Variants in THOC5 observed in about 807,000 individuals in gnomAD.
THOC5 encodes the protein Fms-interacting protein.
In THOC5, 43 loss-of-function variants were observed where a neutral mutation model predicts 92.9. That is an observed-to-expected ratio of 0.46 (90% CI 0.36 to 0.60). THOC5 has a LOEUF of 0.60. THOC5 is among the 20% of genes least tolerant of loss of function. THOC5 has a pLI of 0.00. For synonymous variants in THOC5, 296 were observed against 320.1 expected (o/e 0.92, Z 0.80); for missense variants, 659 against 849.4 (o/e 0.78, Z 2.79).
In THOC5 at chr22:29,507,990, G is replaced by T; in HGVS notation, c.*467C>A. 6.2e-6 allele frequency: 1 copy of T among 162,098 alleles called. No individual in the cohort carries two copies. Among genetic ancestry groups the T allele is most frequent in the Non-Finnish European group, 1.3e-5 (1 of 74,196 alleles). The allele number at this position is 162,098 out of a possible 1,614,324, so 10.0% of individuals were successfully genotyped here. On this transcript the variant is annotated 3_prime_UTR_variant, in exon 20 of 20. Coordinates refer to ENST00000490103, the MANE Select transcript of THOC5 (RefSeq NM_003678.5). ...ACGATCAGAGACAATTTGTCCATCG[G>T]CAACCCTGACAGGACTAATGGGAAG...
At chr22:29,552,067 G>C (rs546286811) in intron 1 of THOC5, among the ~76,000 whole-genome samples, 16 of 152,282 alleles carry the variant, frequency 1.1e-4, no homozygotes, top group South Asian at 8.3e-4. Context: ...GATTGCAGAC[G>C]GAGTCTCGTT....
intron 19 of THOC5, 64 bp from the exon 20 acceptor site, chr22:29,508,584 G>A (rs1722152159): frequency 7.0e-7 from 1 of 1,418,460 alleles, no homozygotes; most frequent in South Asian, 1.2e-5. Flanking sequence ...ATAAATTATG[G>A]TTCATTCACA....
intron 19 of THOC5, among the ~76,000 whole-genome samples, chr22:29,508,854 G>A (rs1396615604): frequency 1.3e-5 from 2 of 152,004 alleles, no homozygotes; most frequent in Non-Finnish European, 1.5e-5. Flanking sequence ...GGAGTGCAGT[G>A]GCGTGATCTC....
chr22:29,544,729 A>G, intron 2 of THOC5, 126 bp from the exon 3 acceptor site: 1 of 959,778 alleles, frequency 1.0e-6, no homozygotes. Flanking sequence ...TCAGGTCTCT[A>G]AAAGATCTGG....
chr22:29,540,407 A>G (rs1306358863), intron 5 of THOC5, among the ~76,000 whole-genome samples: 1 of 152,230 alleles, frequency 6.6e-6, no homozygotes, highest in Non-Finnish European at 1.5e-5. Flanking sequence ...TTTAAGCCTC[A>G]CAACAACTCT....
In THOC5 at chr22:29,532,911, G is replaced by A. The variant is rs143558957; in HGVS notation, c.715-948C>T. Among the ~76,000 whole-genome samples, 1,257 of 152,232 alleles carry A rather than the reference G, an allele frequency of 8.3e-3. 6 individuals carry two copies. Among genetic ancestry groups the A allele is most frequent in the Middle Eastern group, 0.024 (7 of 292 alleles). On this transcript the variant is annotated intron_variant, in intron 7 of 19. Transcript: ENST00000490103. ...AAGAATTACTTGAACCTGGGAGACG[G>A]AGGTTGCAGTGAGCCAAGATTGTAC...
At position 29,543,347 on chromosome 22, in the gene THOC5, C is replaced by CAAAAAAAAAA. The variant is rs59948387; in HGVS notation, c.354+72_354+81dup. On this transcript the variant is annotated intron_variant, in intron 4 of 19. Transcript: ENST00000490103. ...TGGGGGACAGAACGAGACTCTGTCT[C>CAAAAAAAAAA]AAAAAAAAAAAAAAAAAAAAAAAAA... 18 of 466,252 alleles carry CAAAAAAAAAA rather than the reference C, an allele frequency of 3.9e-5. No individual in the cohort carries two copies. The African/African-American group carries it at 7.2e-4, about 19-fold the overall frequency. 28.9% of individuals were successfully genotyped at this position (466,252 alleles called of 1,614,324 possible).
In THOC5 at chr22:29,539,405, T is replaced by A; in HGVS notation, c.524A>T (p.Lys175Met). ...AGGGTCTCCCATGGTGACTTCGGCCTTGCTGATATCTGGTGGAGCCTCCTT... is the reference window on the plus strand; with the variant it reads ...AGGGTCTCCCATGGTGACTTCGGCCATGCTGATATCTGGTGGAGCCTCCTT... ...FYKEAPPDIS[K>M]AEVTMGDPHQ... Residue 175 changes from lysine to methionine, a missense_variant, in exon 6 of 20, where the codon AAG (lysine) becomes ATG (methionine). Coordinates refer to ENST00000490103, the MANE Select transcript of THOC5 (RefSeq NM_003678.5). 1 of 1,614,142 alleles carries A rather than the reference T, an allele frequency of 6.2e-7. No homozygotes were observed. The highest frequency in any genetic ancestry group is 8.5e-7 in the Non-Finnish European group (1 of 1,179,988).
intron 17 of THOC5, among the ~76,000 whole-genome samples, chr22:29,514,315 A>ATTT (rs1179250004): frequency 1.5e-4 from 20 of 137,854 alleles, no homozygotes; most frequent in Admixed American, 5.2e-4. Context: ...TGACTGAAGA[A>ATTT]TTTTTTTTTT....
At chr22:29,546,740 G>A (rs373244813) in intron 2 of THOC5, among the ~76,000 whole-genome samples, 3 of 150,906 alleles carry the variant, frequency 2.0e-5, no homozygotes, top group Non-Finnish European at 3.0e-5. Flanking sequence ...GTGCCCAGCC[G>A]GGTTTTTCTT....
At position 29,543,450 on chromosome 22, in the gene THOC5, T is replaced by C. The variant is rs2063944446; in HGVS notation, c.333A>G (p.Lys111=). Residue 111 remains lysine, a synonymous_variant, in exon 4 of 20, where the codon AAA becomes AAG. Transcript: ENST00000490103. ...LNRLAHIRLK[K]GRDQTHEAKQ... Reference sequence around the variant, plus strand: ...CTACCTCGTGGGTCTGATCTCTTCCTTTCTTCAACCTGATGTGGGCTAATC... The same window carrying C: ...CTACCTCGTGGGTCTGATCTCTTCCCTTCTTCAACCTGATGTGGGCTAATC... 8.1e-6 allele frequency: 13 copies of C among 1,614,036 alleles called. No homozygotes were observed. Among genetic ancestry groups the C allele is most frequent in the Non-Finnish European group, 1.1e-5 (13 of 1,179,958 alleles).
At chr22:29,508,888 C>G (rs763725339) in intron 19 of THOC5, among the ~76,000 whole-genome samples, 1 of 151,844 alleles carries the variant, frequency 6.6e-6, no homozygotes, top group African/African-American at 2.4e-5. Context: ...CCCTGCTTCC[C>G]GGGTTCAAAG....
At chr22:29,542,349 G>T (rs539545453) in intron 5 of THOC5, among the ~76,000 whole-genome samples, 1 of 152,178 alleles carries the variant, frequency 6.6e-6, no homozygotes, top group Non-Finnish European at 1.5e-5. Context: ...AAAGGTCAGA[G>T]AGACTTCTGA....
Position 29,528,061 on chromosome 22 carries a change from G to A in THOC5, c.1066+17C>T, listed in dbSNP as rs775802449. 75 of 1,613,236 alleles carry A rather than the reference G, an allele frequency of 4.6e-5. No individual in the cohort carries two copies. Among genetic ancestry groups the A allele is most frequent in the Non-Finnish European group, 6.1e-5 (72 of 1,179,274 alleles). On this transcript the variant is annotated intron_variant, in intron 11 of 19. Coordinates refer to ENST00000490103, the MANE Select transcript of THOC5 (RefSeq NM_003678.5). ...TAGGTGCTACAGATCCCTTAAACAA[G>A]GTGAGTGCAACCAGACCTTTGCACT...
rs564200469 is a variant in THOC5 at position 29,524,502 on chromosome 22, G to A, written c.1175+1336C>T. Among the ~76,000 whole-genome samples, 4 of 152,272 alleles carry A rather than the reference G, an allele frequency of 2.6e-5. No individual in the cohort carries two copies. In the East Asian group the frequency reaches 7.7e-4, roughly 29 times the overall value. On this transcript the variant is annotated intron_variant, in intron 12 of 19. Coordinates refer to ENST00000490103, the MANE Select transcript of THOC5 (RefSeq NM_003678.5). ...AAGCCAGGCTGCAGCCCTGTTATTA[G>A]CATGTAGGGCACCTGAGAAATGAAC...
intron 17 of THOC5, among the ~76,000 whole-genome samples, chr22:29,516,172 C>T (rs2063329443): frequency 1.4e-5 from 2 of 144,914 alleles, no homozygotes; most frequent in South Asian, 2.2e-4. Flanking sequence ...AAGGGTGTAG[C>T]GGGGAAAGGA....
In THOC5 at chr22:29,528,129, C is replaced by G. The variant is rs188617925; in HGVS notation, c.1015G>C (p.Glu339Gln). The change falls in exon 11 of 20, where the codon GAG becomes CAG. Residue 339 changes from glutamate to glutamine, a missense_variant. Coordinates refer to ENST00000490103, the MANE Select transcript of THOC5 (RefSeq NM_003678.5). ...GACAGTGGGTGCCTCTTCAGCATCT[C>G]CTTGCGTTTGTCGTCCAACTGAACC... ...LGVQLDDKRK[E>Q]MLKRHPLSVM... The G allele has an allele frequency of 1.6e-5, 26 of 1,614,180 alleles. No individual in the cohort carries two copies. Among genetic ancestry groups the G allele is most frequent in the Non-Finnish European group, 2.1e-5 (25 of 1,180,036 alleles).
chr22:29,507,094 C>T lies in THOC5; in HGVS notation c.*1363G>A, dbSNP rs1409740386. ...CTACGTTGCCCAGGCTGGACCTGAA[C>T]TCCTGGCCTCAAGGGATCCTCCCGC... On this transcript the variant is annotated 3_prime_UTR_variant, in exon 20 of 20. Transcript: ENST00000490103. 6.6e-6 allele frequency: 1 copy of T among 152,262 alleles called. No individual in the cohort carries two copies. The highest frequency in any genetic ancestry group is 2.4e-5 in the African/African-American group (1 of 41,410). The allele number at this position is 152,262 out of a possible 1,614,324, so 9.4% of individuals were successfully genotyped here.
At chr22:29,549,495 T>A (rs2064098683) in intron 1 of THOC5, among the ~76,000 whole-genome samples, 1 of 152,198 alleles carries the variant, frequency 6.6e-6, no homozygotes, top group Non-Finnish European at 1.5e-5. Flanking sequence ...AGGCACCATG[T>A]GTGTCTCCAT....
Sources: allele counts gnomAD v4.1 joint callset (sites outside exome capture counted in the v4.1 genomes callset), GRCh38; gene constraint gnomAD v4.1.1; transcripts MANE v1.5; gene names NCBI Gene and HGNC (gene_info 2026-07-23, HGNC 2026-07-21).